The following TTC6 variants were observed in gnomAD, a reference collection of about 807,000 sequenced individuals.
TTC6 encodes the protein tetratricopeptide repeat domain 6.
In TTC6, 172 loss-of-function variants were observed where a neutral mutation model predicts 210.4. The observed-to-expected ratio is 0.82, with a 90% CI of 0.72 to 0.93. TTC6 has a LOEUF of 0.93. Ranked by LOEUF, TTC6 falls within the 40% of genes least tolerant of loss-of-function variation. The pLI is 0.00. For synonymous variants in TTC6, 804 were observed against 819.6 expected (o/e 0.98, Z 0.32); for missense variants, 2,414 against 2,318.1 (o/e 1.04, Z -0.85).
chr14:37,797,575 A>G (rs896458356), intron 20 of TTC6, among the ~76,000 whole-genome samples: 2 of 150,430 alleles, frequency 1.3e-5, no homozygotes, highest in Non-Finnish European at 3.0e-5. Flanking sequence ...ATCTTCTTAC[A>G]GTTTGTGCCT....
chr14:37,794,406 T>C (rs1418383063), intron 17 of TTC6, among the ~76,000 whole-genome samples: 1 of 152,164 alleles, frequency 6.6e-6, no homozygotes, highest in Non-Finnish European at 1.5e-5. Flanking sequence ...CTTTGCATCA[T>C]TGTGCCGTAA....
intron 1 of TTC6, among the ~76,000 whole-genome samples, chr14:37,674,601 C>T (rs955907317): frequency 2.0e-5 from 3 of 152,072 alleles, no homozygotes; most frequent in African/African-American, 7.2e-5. Context: ...GTGACTGAGT[C>T]AAGATTTGAA....
chr14:37,622,749 A>T (rs1207564557), exon 1 of TTC6: 1 of 1,534,976 alleles, frequency 6.5e-7, no homozygotes, highest in Non-Finnish European at 8.7e-7. Flanking sequence ...GATCCGCAGC[A>T]ACTTCGTGAG....
chr14:37,767,415 A>G (rs1440938685), intron 14 of TTC6, among the ~76,000 whole-genome samples: 1 of 152,224 alleles, frequency 6.6e-6, no homozygotes, highest in Non-Finnish European at 1.5e-5. Flanking sequence ...CAGTTCCACC[A>G]ACAGTGTAAA....
At chr14:37,647,674 G>A (rs924121379) in intron 1 of TTC6, among the ~76,000 whole-genome samples, 1 of 152,108 alleles carries the variant, frequency 6.6e-6, no homozygotes. Context: ...TAGGGTTCAG[G>A]TGGCAGGTTA....
At chr14:37,755,911 GGAATAACATT>G (rs2095966218) in intron 14 of TTC6, among the ~76,000 whole-genome samples, 1 of 152,196 alleles carries the variant, frequency 6.6e-6, no homozygotes, top group East Asian at 1.9e-4. Context: ...TAGCTTGATG[GGAATAACATT>G]GAATCTACAA....
intron 29 of TTC6, among the ~76,000 whole-genome samples, chr14:37,834,972 C>A (rs2096194314): frequency 6.6e-6 from 1 of 152,072 alleles, no homozygotes; most frequent in Non-Finnish European, 1.5e-5. Flanking sequence ...CTGTGAGTTC[C>A]TTGGTGGCTT....
At chr14:37,742,584 A>C (rs1278779699) in intron 10 of TTC6, among the ~76,000 whole-genome samples, 39 of 145,948 alleles carry the variant, frequency 2.7e-4, no homozygotes, top group African/African-American at 8.6e-4. Context: ...TAATTTTTGC[A>C]TTTTTTTTTT....
chr14:37,652,770 G>T (rs2095715330), intron 1 of TTC6, among the ~76,000 whole-genome samples: 1 of 152,012 alleles, frequency 6.6e-6, no homozygotes. Flanking sequence ...TCCTATTATG[G>T]AATATAATGA....
chr14:37,807,887 T>A (rs183400128), intron 23 of TTC6, among the ~76,000 whole-genome samples: 8 of 152,230 alleles, frequency 5.3e-5, no homozygotes, highest in African/African-American at 1.7e-4. Context: ...GGTGCCCTGC[T>A]TTTTACACTT....
chr14:37,810,345 C>T (rs182866090), intron 24 of TTC6, among the ~76,000 whole-genome samples: 1 of 152,272 alleles, frequency 6.6e-6, no homozygotes, highest in East Asian at 1.9e-4. Context: ...GTATTGTTAT[C>T]TCAGATATGC....
intron 14 of TTC6, among the ~76,000 whole-genome samples, chr14:37,784,395 G>C (rs2096062672): frequency 6.6e-6 from 1 of 152,054 alleles, no homozygotes; most frequent in Non-Finnish European, 1.5e-5. Flanking sequence ...TGTGTCTTTT[G>C]ATCTTTGTTG....
At chr14:37,763,113 C>T (rs2095989424) in intron 14 of TTC6, among the ~76,000 whole-genome samples, 1 of 151,928 alleles carries the variant, frequency 6.6e-6, no homozygotes, top group African/African-American at 2.4e-5. Flanking sequence ...TGGTCTCAAT[C>T]TCCCGACTTC....
chr14:37,790,803 A>G (rs914675245), exon 16 of TTC6: 1 of 1,534,484 alleles, frequency 6.5e-7, no homozygotes, highest in Non-Finnish European at 8.7e-7. Context: ...GCTGCTGGCA[A>G]TTTGTGACTT....
intron 6 of TTC6, among the ~76,000 whole-genome samples, chr14:37,722,131 T>C (rs2138812270): frequency 1.3e-5 from 2 of 152,020 alleles, no homozygotes; most frequent in Admixed American, 1.3e-4. Context: ...GGGTCATCAG[T>C]ATGAACAAGA....
chr14:37,821,679 T>C (rs1412930718), intron 26 of TTC6, among the ~76,000 whole-genome samples: 1 of 151,986 alleles, frequency 6.6e-6, no homozygotes, highest in Admixed American at 6.6e-5. Context: ...CCGTATCACA[T>C]TGTGAGAAAC....
intron 1 of TTC6, among the ~76,000 whole-genome samples, chr14:37,674,818 C>T (rs933882172): frequency 7.9e-5 from 12 of 152,084 alleles, no homozygotes; most frequent in African/African-American, 2.7e-4. Flanking sequence ...AACTTTAGAT[C>T]GAACACTAAC....
intron 14 of TTC6, among the ~76,000 whole-genome samples, chr14:37,753,802 ACTC>A (rs2095959645): frequency 6.7e-6 from 1 of 149,470 alleles, no homozygotes; most frequent in Non-Finnish European, 1.5e-5. Context: ...TTGTTTTTGA[ACTC>A]CTGGCTTCAA....
chr14:37,777,769 GGTT>G (rs1208366895), intron 14 of TTC6, among the ~76,000 whole-genome samples: 3 of 97,792 alleles, frequency 3.1e-5, no homozygotes, highest in Non-Finnish European at 6.3e-5. Context: ...CCTTCGTGTA[GGTT>G]TTTTTTTTTT....
Sources: gnomAD v4.1 joint callset for allele counts (sites outside exome capture counted in the v4.1 genomes callset) on GRCh38, gnomAD v4.1.1 for gene constraint, MANE v1.5 for transcripts, NCBI Gene and HGNC (gene_info 2026-07-23, HGNC 2026-07-21) for gene names.